The following PAQR5 variants were observed in gnomAD, a reference collection of about 807,000 sequenced individuals.
The protein encoded by PAQR5 is membrane progestin receptor gamma.
Under a neutral mutation model 34.5 loss-of-function variants are expected in PAQR5, and 20 were observed. The observed-to-expected ratio is 0.58, with a 90% CI of 0.41 to 0.84. The LOEUF is 0.84. PAQR5 is among the 40% of genes least tolerant of loss of function. The probability of loss-of-function intolerance (pLI) is 0.00; values close to 1 mark genes in which losing one functional copy is unlikely to be tolerated. For synonymous variants in PAQR5, 131 were observed against 155.6 expected (o/e 0.84, Z 1.18); for missense variants, 378 against 412.7 (o/e 0.92, Z 0.73).
Position 69,360,073 on chromosome 15 carries a change from G to C in PAQR5, c.-8G>C, listed in dbSNP as rs1260959446. ...GTCACCTACTGGCCTTGCCAATCCA[G>C]CTCCAAGATGCTGAGCCTGAAGCTC... On this transcript the variant is annotated 5_prime_UTR_variant, in exon 3 of 9. Coordinates refer to ENST00000395407, the MANE Select transcript of PAQR5 (RefSeq NM_017705.4). 1.2e-6 allele frequency: 2 copies of C among 1,613,304 alleles called. No homozygotes were observed. The highest frequency in any genetic ancestry group is 1.7e-6 in the Non-Finnish European group (2 of 1,179,336).
rs2056736587 is a variant in PAQR5, at chr15:69,405,224, T to G, written c.*1402T>G. 3 of 375,304 alleles carry G rather than the reference T, an allele frequency of 8.0e-6. No individual in the cohort carries two copies. Among genetic ancestry groups the G allele is most frequent in the Non-Finnish European group, 1.4e-5 (3 of 211,896 alleles). The allele number at this position is 375,304 out of a possible 1,614,324, so 23.2% of individuals were successfully genotyped here. The stretch of plus-strand genomic sequence containing the variant: ...CCATCAAACCCAGATCTGCACTTGG[T>G]AATGACTTAGGGGGGCTTCCTCACA... On this transcript the variant is annotated 3_prime_UTR_variant, in exon 9 of 9. Coordinates refer to ENST00000395407, the MANE Select transcript of PAQR5 (RefSeq NM_017705.4).
intron 1 of PAQR5, among the ~76,000 whole-genome samples, chr15:69,333,129 C>A (rs1440252700): frequency 6.6e-6 from 1 of 151,688 alleles, no homozygotes; most frequent in Non-Finnish European, 1.5e-5. Context: ...TATTTTTTTC[C>A]ATTTTTTTTT....
chr15:69,371,999 T>A (rs1468461975), intron 3 of PAQR5, among the ~76,000 whole-genome samples: 1 of 152,232 alleles, frequency 6.6e-6, no homozygotes, highest in Non-Finnish European at 1.5e-5. Context: ...ATTGTGTGAA[T>A]GAGAGGAGTT....
At chr15:69,315,826 C>T (rs1307096145) in intron 1 of PAQR5, among the ~76,000 whole-genome samples, 1 of 152,136 alleles carries the variant, frequency 6.6e-6, no homozygotes, top group Admixed American at 6.5e-5. Context: ...GGTTTAGGGA[C>T]AACTGTAGTA....
Position 69,403,908 on chromosome 15 carries a change from C to G in PAQR5, c.*86C>G. The G allele has an allele frequency of 1.4e-6, 2 of 1,387,228 alleles. No individual in the cohort carries two copies. The highest frequency in any genetic ancestry group is 2.7e-5 in the South Asian group (2 of 74,900). 85.9% of individuals were successfully genotyped at this position (1,387,228 alleles called of 1,614,324 possible). Reference sequence around the variant, plus strand: ...TAAGCCGGAGGTGGTTACAGCTTATCATGGCCTAAAATATTCATAATGGTT... The same window carrying G: ...TAAGCCGGAGGTGGTTACAGCTTATGATGGCCTAAAATATTCATAATGGTT... On this transcript the variant is annotated 3_prime_UTR_variant, in exon 9 of 9. Transcript: ENST00000395407.
At chr15:69,301,461 G>C (rs936309541) in intron 1 of PAQR5, among the ~76,000 whole-genome samples, 1 of 152,174 alleles carries the variant, frequency 6.6e-6, no homozygotes, top group Non-Finnish European at 1.5e-5. Flanking sequence ...CATCCCTCTG[G>C]GGGTAAGAAT....
chr15:69,338,794 G>A (rs915271688), intron 2 of PAQR5, among the ~76,000 whole-genome samples: 6 of 152,176 alleles, frequency 3.9e-5, no homozygotes, highest in African/African-American at 7.2e-5. Flanking sequence ...TCTGGGCATA[G>A]GCTGATCTAA....
chr15:69,396,387 A>C lies in PAQR5; in HGVS notation c.513-1081A>C, dbSNP rs564657275. On this transcript the variant is annotated intron_variant, in intron 6 of 8. Transcript: ENST00000395407. ...TCCCTCCAGTGTGATAGGGGGCAGA[A>C]CTGTCAGCAAAGGCTGAAAGGGCCC... is the stretch of plus-strand genomic sequence containing the variant. 2.3e-4 allele frequency among the ~76,000 whole-genome samples: 35 copies of C among 152,134 alleles called. 1 individual carries two copies. Among genetic ancestry groups the C allele is most frequent in the African/African-American group, 7.2e-4 (30 of 41,484 alleles).
intron 1 of PAQR5, among the ~76,000 whole-genome samples, chr15:69,327,485 T>G (rs1052348002): frequency 3.3e-5 from 5 of 152,256 alleles, no homozygotes; most frequent in African/African-American, 1.2e-4. Context: ...TACCAAACTC[T>G]AAGCTCCTGG....
At chr15:69,397,152 T>A in intron 6 of PAQR5, 1 of 471,354 alleles carries the variant, frequency 2.1e-6, no homozygotes. Context: ...TTTTAAAAGG[T>A]TCTTTGGCAG....
chr15:69,332,241 C>A (rs138427875), intron 1 of PAQR5, among the ~76,000 whole-genome samples: 1 of 152,156 alleles, frequency 6.6e-6, no homozygotes, highest in African/African-American at 2.4e-5. Flanking sequence ...AGGGGTATCA[C>A]AGGATAGAAT....
intron 1 of PAQR5, among the ~76,000 whole-genome samples, chr15:69,329,506 C>G (rs528656502): frequency 6.6e-5 from 7 of 105,728 alleles, no homozygotes; most frequent in African/African-American, 2.2e-4. Context: ...GAGCCTTGCT[C>G]TGTCACCTCG....
intron 2 of PAQR5, among the ~76,000 whole-genome samples, chr15:69,339,197 T>G (rs2140719957): frequency 8.3e-6 from 1 of 120,856 alleles, no homozygotes; most frequent in South Asian, 2.9e-4. Context: ...CAAGTTATCC[T>G]TAAAAACTCT....
rs1566986726 is a variant in PAQR5 at position 69,300,941 on chromosome 15, T to TC, written c.-277+1885_-277+1886insC. Among the ~76,000 whole-genome samples the TC allele has an allele frequency of 4.8e-4, 16 of 33,262 alleles. 4 individuals carry two copies. Among genetic ancestry groups the TC allele is most frequent in the Admixed American group, 2.2e-3 (4 of 1,804 alleles). 21.8% of individuals were successfully genotyped at this position (33,262 alleles called of 152,430 possible). ...TCTCTCTCTCTCTCTCTCTCTCTCT[T>TC]TCTTTCCTTCTTTCTTTCTTTCTTT... On this transcript the variant is annotated intron_variant, in intron 1 of 8. Transcript: ENST00000395407.
At chr15:69,334,598 T>C (rs1348354094) in intron 1 of PAQR5, among the ~76,000 whole-genome samples, 2 of 152,198 alleles carry the variant, frequency 1.3e-5, no homozygotes, top group Non-Finnish European at 2.9e-5. Flanking sequence ...TCCACCCCAG[T>C]ACATAATTAA....
chr15:69,310,820 T>A (rs28376659), intron 1 of PAQR5, among the ~76,000 whole-genome samples: 1 of 151,554 alleles, frequency 6.6e-6, no homozygotes, highest in South Asian at 2.1e-4. Context: ...GGGTGGATCA[T>A]GAGGTCAGGA....
chr15:69,319,599 A>G (rs1293656736), intron 1 of PAQR5, among the ~76,000 whole-genome samples: 1 of 152,028 alleles, frequency 6.6e-6, no homozygotes, highest in South Asian at 2.1e-4. Context: ...GTTTCTTTGG[A>G]AACACAGCTG....
chr15:69,364,147 T>C (rs933803041), intron 3 of PAQR5, among the ~76,000 whole-genome samples: 1 of 152,134 alleles, frequency 6.6e-6, no homozygotes, highest in Non-Finnish European at 1.5e-5. Context: ...GGGATTATTA[T>C]GAATGAAGGA....
At chr15:69,301,859 ATTTTTTTTTTTTTTTTTTTTTTTTT>A (rs71149903) in intron 1 of PAQR5, among the ~76,000 whole-genome samples, 2 of 98,870 alleles carry the variant, frequency 2.0e-5, no homozygotes, top group African/African-American at 1.2e-4. Flanking sequence ...ATGGGGGGAG[ATTTTTTTTTTTTTTTTTTTTTTTTT>A]TTTTTTTTTT....
Sources: gnomAD v4.1 joint callset for allele counts (sites outside exome capture counted in the v4.1 genomes callset) on GRCh38, gnomAD v4.1.1 for gene constraint, MANE v1.5 for transcripts, NCBI Gene and HGNC (gene_info 2026-07-23, HGNC 2026-07-21) for gene names.